ZBTB7C: variants seen among roughly 807,000 people sequenced by gnomAD.
The protein encoded by ZBTB7C is zinc finger and BTB domain-containing protein 7C.
Under a neutral mutation model 25.7 loss-of-function variants are expected in ZBTB7C, and 8 were observed. The ratio of observed to expected loss-of-function variants is 0.31; its 90% CI spans 0.18 to 0.56. The LOEUF (loss-of-function observed/expected upper bound fraction) is 0.56, where lower values mean the gene tolerates loss of function less well. ZBTB7C is among the 20% of genes least tolerant of loss of function. The pLI is 0.91. For synonymous variants in ZBTB7C, 394 were observed against 369.0 expected (o/e 1.07, Z -0.78); for missense variants, 824 against 855.2 (o/e 0.96, Z 0.46).
chr18:48,345,124 G>A (rs2046697261), intron 1 of ZBTB7C, among the ~76,000 whole-genome samples: 1 of 152,334 alleles, frequency 6.6e-6, no homozygotes, highest in East Asian at 1.9e-4. Flanking sequence ...GCTTTGGAAG[G>A]CTGGTGCTAT....
intron 3 of ZBTB7C, among the ~76,000 whole-genome samples, chr18:48,181,782 G>A (rs1245240037): frequency 6.6e-6 from 1 of 152,126 alleles, no homozygotes; most frequent in Admixed American, 6.5e-5. Flanking sequence ...ATCCTTAAAG[G>A]ACATAAACAT....
At chr18:48,112,573 C>T (rs556075612) in intron 3 of ZBTB7C, among the ~76,000 whole-genome samples, 13 of 152,196 alleles carry the variant, frequency 8.5e-5, no homozygotes, top group African/African-American at 3.1e-4. Flanking sequence ...GTCTTGAACT[C>T]CTGAACTCTT....
chr18:48,233,171 G>A (rs1430004339), intron 2 of ZBTB7C, among the ~76,000 whole-genome samples: 1 of 152,098 alleles, frequency 6.6e-6, no homozygotes, highest in Non-Finnish European at 1.5e-5. Flanking sequence ...ACAGACTAAT[G>A]CCATGATTGT....
chr18:48,147,589 T>C (rs1354014992), intron 3 of ZBTB7C: 1 of 151,942 alleles, frequency 6.6e-6, no homozygotes, highest in East Asian at 1.9e-4. Context: ...TCTTAAGCTA[T>C]CTGTGAACTC....
chr18:48,161,162 G>C (rs1441840352), intron 3 of ZBTB7C, among the ~76,000 whole-genome samples: 1 of 151,444 alleles, frequency 6.6e-6, no homozygotes, highest in Non-Finnish European at 1.5e-5. Flanking sequence ...AAAGGGGGCT[G>C]TGGGGGAGGG....
chr18:48,401,699 T>C (rs1237192612), intron 1 of ZBTB7C, among the ~76,000 whole-genome samples: 1 of 152,060 alleles, frequency 6.6e-6, no homozygotes, highest in Non-Finnish European at 1.5e-5. Flanking sequence ...AGTCCCCATC[T>C]CTTGCCATTC....
chr18:48,040,022 G>A lies in ZBTB7C; in HGVS notation c.1086C>T (p.Ala362=), dbSNP rs746415645. 7 of 1,614,148 alleles carry A rather than the reference G, an allele frequency of 4.3e-6. No individual in the cohort carries two copies. The highest frequency in any genetic ancestry group is 5.9e-6 in the Non-Finnish European group (7 of 1,180,040). The part of the protein sequence containing the change: ...LVEERKLKPK[A]SQQCPICHKV... Reference sequence around the variant, plus strand: ...TGTGGCAGATGGGGCACTGCTGAGAGGCCTTGGGCTTCAGCTTGCGCTCTT... The same window carrying A: ...TGTGGCAGATGGGGCACTGCTGAGAAGCCTTGGGCTTCAGCTTGCGCTCTT... Residue 362 remains alanine (A), a synonymous_variant, in exon 4 of 5, where the codon GCC becomes GCT. Transcript: ENST00000590800.
chr18:48,116,237 C>T (rs2039436510), intron 3 of ZBTB7C, among the ~76,000 whole-genome samples: 1 of 152,128 alleles, frequency 6.6e-6, no homozygotes, highest in Non-Finnish European at 1.5e-5. Flanking sequence ...ACGCCCTGTG[C>T]ATGTCCCAGG....
intron 3 of ZBTB7C, among the ~76,000 whole-genome samples, chr18:48,171,080 G>A (rs1212921867): frequency 6.6e-6 from 1 of 152,194 alleles, no homozygotes; most frequent in Non-Finnish European, 1.5e-5. Flanking sequence ...GTCCCAATCT[G>A]CTGGACCTGG....
At chr18:48,222,177 T>C (rs1373661544) in intron 2 of ZBTB7C, among the ~76,000 whole-genome samples, 2 of 151,992 alleles carry the variant, frequency 1.3e-5, no homozygotes, top group African/African-American at 2.4e-5. Context: ...CTGTCCCTGG[T>C]GTCCCTGCTG....
chr18:48,337,140 G>C (rs1173104031), intron 2 of ZBTB7C, among the ~76,000 whole-genome samples: 1 of 152,094 alleles, frequency 6.6e-6, no homozygotes, highest in East Asian at 1.9e-4. Flanking sequence ...CTAATGTTCT[G>C]CTCCTCCCCA....
intron 2 of ZBTB7C, among the ~76,000 whole-genome samples, chr18:48,279,355 G>A (rs561800998): frequency 7.3e-4 from 111 of 152,054 alleles, no homozygotes; most frequent in African/African-American, 2.6e-3. Context: ...GGTCAACATG[G>A]CAAAAAAAAG....
chr18:48,153,082 C>T (rs1287606538), intron 3 of ZBTB7C, among the ~76,000 whole-genome samples: 1 of 152,208 alleles, frequency 6.6e-6, no homozygotes, highest in African/African-American at 2.4e-5. Context: ...GAATCAACCC[C>T]ATCTTTGTCT....
At chr18:48,088,115 C>A (rs2038265609) in intron 3 of ZBTB7C, 1 of 152,194 alleles carries the variant, frequency 6.6e-6, no homozygotes, top group East Asian at 1.9e-4. Flanking sequence ...AGCCACAGTG[C>A]TAAAGGGGGT....
chr18:48,086,554 C>T (rs1211557256), intron 3 of ZBTB7C, among the ~76,000 whole-genome samples: 1 of 152,194 alleles, frequency 6.6e-6, no homozygotes, highest in African/African-American at 2.4e-5. Context: ...ACTCTCATCC[C>T]CTCCAGAGTC....
intron 3 of ZBTB7C, among the ~76,000 whole-genome samples, chr18:48,057,647 A>G (rs2036969777): frequency 6.6e-6 from 1 of 152,244 alleles, no homozygotes; most frequent in Non-Finnish European, 1.5e-5. Context: ...CATTATTATT[A>G]AAAATGCTGA....
chr18:48,107,580 A>T (rs754323109), intron 3 of ZBTB7C, among the ~76,000 whole-genome samples: 1 of 152,018 alleles, frequency 6.6e-6, no homozygotes, highest in Non-Finnish European at 1.5e-5. Flanking sequence ...TGGTGATAAG[A>T]AAGTGGAGAT....
intron 3 of ZBTB7C, among the ~76,000 whole-genome samples, chr18:48,151,257 C>T (rs970622037): frequency 2.0e-5 from 3 of 152,184 alleles, no homozygotes; most frequent in Non-Finnish European, 4.4e-5. Flanking sequence ...GTGGACACGG[C>T]ATGACATACT....
intron 3 of ZBTB7C, among the ~76,000 whole-genome samples, chr18:48,045,216 CCAG>C (rs2036421545): frequency 6.6e-6 from 1 of 152,218 alleles, no homozygotes; most frequent in African/African-American, 2.4e-5. Context: ...GCAGGCTTGG[CCAG>C]CCTCAGGGGC....
Sources: gnomAD v4.1 joint callset for allele counts (sites outside exome capture counted in the v4.1 genomes callset) on GRCh38, gnomAD v4.1.1 for gene constraint, MANE v1.5 for transcripts, NCBI Gene and HGNC (gene_info 2026-07-23, HGNC 2026-07-21) for gene names.